TMEM131: variants seen among roughly 807,000 people sequenced by gnomAD.
TMEM131 encodes 2610524E03Rik.
TMEM131 carries 66 observed loss-of-function variants against 211.6 expected under a neutral mutation model. The observed-to-expected ratio is 0.31, with a 90% CI of 0.26 to 0.38. TMEM131 has a LOEUF of 0.38. Among genes scored for constraint, TMEM131 ranks in the 10% least tolerant of loss-of-function variants. The probability of loss-of-function intolerance (pLI) is 1.00; values close to 1 mark genes in which losing one functional copy is unlikely to be tolerated. For synonymous variants in TMEM131, 844 were observed against 841.3 expected (o/e 1.00, Z -0.06); for missense variants, 2,036 against 2,299.3 (o/e 0.89, Z 2.34).
chr2:97,812,561 A>G lies in TMEM131; in HGVS notation c.1729-6T>C. The G allele has an allele frequency of 6.3e-7, 1 of 1,597,272 alleles. No individual in the cohort carries two copies. Among genetic ancestry groups the G allele is most frequent in the South Asian group, 1.1e-5 (1 of 87,232 alleles). On this transcript the variant is annotated splice_region_variant and splice_polypyrimidine_tract_variant and intron_variant, in intron 16 of 40. Transcript: ENST00000186436. ...TGCCAACTTTTTATAGCCAACTTTA[A>G]AAAAAGATATGAAAATGATTATCAC...
At chr2:97,895,223 A>C (rs1267528452) in intron 3 of TMEM131, among the ~76,000 whole-genome samples, 1 of 152,194 alleles carries the variant, frequency 6.6e-6, no homozygotes. Context: ...GATGAAGCCA[A>C]CTTGATCGTG....
At chr2:97,886,469 A>C (rs1260555122) in intron 4 of TMEM131, among the ~76,000 whole-genome samples, 1 of 151,314 alleles carries the variant, frequency 6.6e-6, no homozygotes, top group East Asian at 1.9e-4. Context: ...GGTGGGGTGC[A>C]TTGGCTTTGG....
At chr2:97,808,492 C>T (rs1260918701) in intron 19 of TMEM131, among the ~76,000 whole-genome samples, 3 of 152,160 alleles carry the variant, frequency 2.0e-5, no homozygotes, top group African/African-American at 7.2e-5. Flanking sequence ...AACTCTAAGC[C>T]ATATTCCTGC....
At chr2:97,861,768 A>G (rs1256711496) in intron 4 of TMEM131, among the ~76,000 whole-genome samples, 2 of 152,106 alleles carry the variant, frequency 1.3e-5, no homozygotes. Flanking sequence ...TGGTCTGGAC[A>G]CACCTACAGA....
chr2:97,768,819 G>C (rs1573329309), intron 33 of TMEM131, among the ~76,000 whole-genome samples: 1 of 152,300 alleles, frequency 6.6e-6, no homozygotes, highest in African/African-American at 2.4e-5. Flanking sequence ...TCGAAGTCCT[G>C]ACCTCCGGTG....
intron 12 of TMEM131, among the ~76,000 whole-genome samples, chr2:97,817,481 G>A (rs575346862): frequency 2.6e-5 from 4 of 152,316 alleles, no homozygotes; most frequent in African/African-American, 7.2e-5. Context: ...TGTACCTCGT[G>A]ATACTGACAC....
At chr2:97,889,880 C>T (rs538730794) in intron 3 of TMEM131, among the ~76,000 whole-genome samples, 1 of 152,150 alleles carries the variant, frequency 6.6e-6, no homozygotes, top group South Asian at 2.1e-4. Flanking sequence ...CACTAACCTC[C>T]TAGTAGGGGG....
At chr2:97,918,193 C>T (rs530482492) in intron 2 of TMEM131, among the ~76,000 whole-genome samples, 2 of 152,262 alleles carry the variant, frequency 1.3e-5, no homozygotes, top group Admixed American at 6.5e-5. Context: ...ATCCACCGGC[C>T]TCAGCCTCCC....
At chr2:97,799,327 T>A (rs1468515408) in intron 25 of TMEM131, among the ~76,000 whole-genome samples, 1 of 152,204 alleles carries the variant, frequency 6.6e-6, no homozygotes, top group Non-Finnish European at 1.5e-5. Flanking sequence ...GGAGCATGTC[T>A]TTAATATTCT....
At chr2:97,854,795 G>A (rs1008651980) in intron 5 of TMEM131, among the ~76,000 whole-genome samples, 2 of 152,072 alleles carry the variant, frequency 1.3e-5, no homozygotes, top group South Asian at 4.2e-4. Flanking sequence ...CTTCCGGCTA[G>A]AATGCTCTTC....
intron 1 of TMEM131, among the ~76,000 whole-genome samples, chr2:97,979,954 T>C (rs974481260): frequency 1.3e-5 from 2 of 152,218 alleles, no homozygotes; most frequent in Admixed American, 6.5e-5. Context: ...TTCCTTTCAC[T>C]TGAACACTTA....
rs1678744436 is a variant in TMEM131, at chr2:97,760,146, G to A, written c.5109-397C>T. On this transcript the variant is annotated intron_variant, in intron 38 of 40. Coordinates refer to ENST00000186436, the MANE Select transcript of TMEM131 (RefSeq NM_015348.2). The stretch of plus-strand genomic sequence containing the variant: ...TCTGGAAAAGTCAACCAAGGTGACT[G>A]CTGCAGGCCACCACACCCCCTGCAT... 3 of 247,564 alleles carry A rather than the reference G, an allele frequency of 1.2e-5. No homozygotes were observed. The South Asian group carries it at 1.9e-4, about 16-fold the overall frequency. 15.3% of individuals were successfully genotyped at this position (247,564 alleles called of 1,614,324 possible).
intron 35 of TMEM131, 148 bp downstream of exon 35, chr2:97,765,966 T>C (rs1358632695): frequency 3.2e-6 from 3 of 949,050 alleles, no homozygotes; most frequent in Admixed American, 2.9e-5. Flanking sequence ...GTTTAGCCAC[T>C]GATTAGGCTA....
intron 22 of TMEM131, 73 bp downstream of exon 22, chr2:97,805,010 GAATAT>G: frequency 1.0e-6 from 1 of 995,882 alleles, no homozygotes; most frequent in Non-Finnish European, 1.4e-6. Context: ...TCTAACATAA[GAATAT>G]AATTTAGAAA....
Position 97,797,499 on chromosome 2 carries a change from A to T in TMEM131, c.2736T>A (p.Ser912Arg). 6.2e-7 allele frequency: 1 copy of T among 1,612,656 alleles called. No individual in the cohort carries two copies. Among genetic ancestry groups the T allele is most frequent in the Non-Finnish European group, 8.5e-7 (1 of 1,179,304 alleles). ...VFRNSAHPLQ[S>R]STGFMEGLSR... ...AGAGGCCCTCCATAAATCCTGTTGA[A>T]CTCTGCAGTGGATGAGCCTTGAATC... The change falls in exon 26 of 41, where the codon AGT becomes AGA. Residue 912 changes from serine (S) to arginine (R), a missense_variant. Physicochemically the swap from Ser to Arg is moderately radical, Grantham distance 110. Around this residue, in one of 3 missense-constraint regions of TMEM131, gnomAD observed 1,623 missense variants for 1,805.9 expected, o/e 0.90. Transcript: ENST00000186436.
intron 3 of TMEM131, among the ~76,000 whole-genome samples, chr2:97,895,000 T>G (rs1252502625): frequency 3.3e-5 from 5 of 152,202 alleles, no homozygotes; most frequent in Non-Finnish European, 7.3e-5. Context: ...TGATAGTCGC[T>G]GTTGGTTTGT....
At chr2:97,958,553 A>G (rs1208721556) in intron 1 of TMEM131, among the ~76,000 whole-genome samples, 1 of 152,208 alleles carries the variant, frequency 6.6e-6, no homozygotes, top group Non-Finnish European at 1.5e-5. Flanking sequence ...ACATTCAGAC[A>G]TACTGAATCG....
At chr2:97,924,406 T>A (rs1234882677) in intron 2 of TMEM131, among the ~76,000 whole-genome samples, 1 of 152,158 alleles carries the variant, frequency 6.6e-6, no homozygotes, top group East Asian at 1.9e-4. Flanking sequence ...GTCAGTCAGC[T>A]GTGGAGCTCC....
In TMEM131 at chr2:97,793,387, G is replaced by C. The variant is rs1034697447; in HGVS notation, c.3545+8C>G. 6 of 1,608,728 alleles carry C rather than the reference G, an allele frequency of 3.7e-6. No individual in the cohort carries two copies. In the Admixed American group the frequency reaches 5.0e-5, roughly 14 times the overall value. On this transcript the variant is annotated splice_region_variant and intron_variant, in intron 30 of 40. Coordinates refer to ENST00000186436, the MANE Select transcript of TMEM131 (RefSeq NM_015348.2). The stretch of plus-strand genomic sequence containing the variant: ...ACTAGGGAATTTATTGCCAGCATGT[G>C]AACATACTTTCCTTCAGATGAAATA...
Sources: allele counts gnomAD v4.1 joint callset (sites outside exome capture counted in the v4.1 genomes callset), GRCh38; gene constraint gnomAD v4.1.1; regional missense constraint gnomAD v4.1.1; transcripts MANE v1.5; gene names NCBI Gene and HGNC (gene_info 2026-07-23, HGNC 2026-07-21).